Variants in PCDHGB6 observed in about 807,000 individuals in gnomAD.
PCDHGB6 encodes protocadherin gamma-B6.
Under a neutral mutation model 59.1 loss-of-function variants are expected in PCDHGB6, and 51 were observed. That is an observed-to-expected ratio of 0.86 (90% CI 0.69 to 1.09). PCDHGB6 has a LOEUF of 1.09. PCDHGB6 is among the 50% of genes least tolerant of loss of function. The pLI is 0.00. For synonymous variants in PCDHGB6, 466 were observed against 495.1 expected (o/e 0.94, Z 0.78); for missense variants, 1,148 against 1,205.1 (o/e 0.95, Z 0.70).
chr5:141,414,638 A>C lies in PCDHGB6; in HGVS notation c.2418+4018A>C, dbSNP rs539861509. The C allele has an allele frequency of 7.8e-5, 126 of 1,613,988 alleles. 1 individual carries two copies. In the South Asian group the frequency reaches 1.3e-3, roughly 17 times the overall value. ...GCGCTGGACCCGGACAGCAAAGAGA[A>C]TGCCCAGATTATTTACTCCCTGGCT... On this transcript the variant is annotated intron_variant, in intron 1 of 3. Coordinates refer to ENST00000520790, the MANE Select transcript of PCDHGB6 (RefSeq NM_018926.3).
In PCDHGB6 at chr5:141,410,532, A is replaced by G; in HGVS notation, c.2330A>G (p.Glu777Gly). 1 of 1,613,908 alleles carries G rather than the reference A, an allele frequency of 6.2e-7. No homozygotes were observed. The highest frequency in any genetic ancestry group is 8.5e-7 in the Non-Finnish European group (1 of 1,179,892). ...TGCAGTGTGCCCCTACATTCCAATG[A>G]AGACATGGTTTGCAGTGTTTCTCCT... ...LKCSVPLHSN[E>G]DMVCSVSPGA... The change falls in exon 1 of 4, where the codon GAA (glutamate) becomes GGA (glycine). Residue 777 changes from glutamate to glycine, a missense_variant. Physicochemically the swap from Glu to Gly is moderately conservative, Grantham distance 98. Around this residue, in one of 5 missense-constraint regions of PCDHGB6, gnomAD observed 283 missense variants for 318.6 expected, o/e 0.89. Transcript: ENST00000520790.
In PCDHGB6 at chr5:141,431,202, C is replaced by T. The variant is rs2097350864; in HGVS notation, c.2418+20582C>T. The stretch of plus-strand genomic sequence containing the variant: ...ATAAAAATTAGTGAAAATGCAGCCA[C>T]TGAGATGCGGTTCCCTCTACCCCAC... On this transcript the variant is annotated intron_variant, in intron 1 of 3. Coordinates refer to ENST00000520790, the MANE Select transcript of PCDHGB6 (RefSeq NM_018926.3). The surrounding 1 kb of genome is among the most constrained non-coding windows in gnomAD (Gnocchi z 4.8). 6.2e-7 allele frequency: 1 copy of T among 1,614,204 alleles called. No individual in the cohort carries two copies. Among genetic ancestry groups the T allele is most frequent in the Non-Finnish European group, 8.5e-7 (1 of 1,180,052 alleles).
rs1242637725 is a variant in PCDHGB6 at position 141,432,619 on chromosome 5, T to G, written c.2418+21999T>G. 3.1e-6 allele frequency: 5 copies of G among 1,612,618 alleles called. No homozygotes were observed. The highest frequency in any genetic ancestry group is 1.7e-5 in the Admixed American group (1 of 59,934). On this transcript the variant is annotated intron_variant, in intron 1 of 3. Transcript: ENST00000520790. This position sits in a 1 kb window ranked among gnomAD's most constrained non-coding sequence, Gnocchi z 6.0. ...GCGAGCCGGGACTCTTCTCGGTGGG[T>G]CTGCACACGGGCGAGGTGCGCACGG... is the stretch of plus-strand genomic sequence containing the variant.
Position 141,486,814 on chromosome 5 carries a change from C to T in PCDHGB6, c.2419-7993C>T, listed in dbSNP as rs1048351154. On this transcript the variant is annotated intron_variant, in intron 1 of 3. Transcript: ENST00000520790. The surrounding 1 kb of genome is among the most constrained non-coding windows in gnomAD (Gnocchi z 5.0). ...ATCGGGGCAACCCACCCCTTAGCAG[C>T]ACTGTAACAGTTCGTCTATTTGTGC... 1.2e-6 allele frequency: 2 copies of T among 1,614,122 alleles called. No individual in the cohort carries two copies. Among genetic ancestry groups the T allele is most frequent in the Non-Finnish European group, 1.7e-6 (2 of 1,180,052 alleles).
At chr5:141,412,286 G>A (rs150947924) in intron 1 of PCDHGB6, 104 of 152,170 alleles carry the variant, frequency 6.8e-4, no homozygotes, top group African/African-American at 2.3e-3. Flanking sequence ...CAAATTCTAC[G>A]TATTTCTTTT....
chr5:141,428,025 G>C, intron 1 of PCDHGB6: 1 of 1,606,426 alleles, frequency 6.2e-7, no homozygotes, highest in Non-Finnish European at 8.5e-7. Flanking sequence ...ACGCGCCGCA[G>C]AGTCCGGCTA....
In PCDHGB6 at chr5:141,432,661, C is replaced by T; in HGVS notation, c.2418+22041C>T. ...TGCGCACGGCGCGAGCCCTGCTGGACAGAGACGCGCTCAAGCAGAGCCTCG... is the reference window on the plus strand; with the variant it reads ...TGCGCACGGCGCGAGCCCTGCTGGATAGAGACGCGCTCAAGCAGAGCCTCG... On this transcript the variant is annotated intron_variant, in intron 1 of 3. Transcript: ENST00000520790. This position sits in a 1 kb window ranked among gnomAD's most constrained non-coding sequence, Gnocchi z 6.0. 3.1e-6 allele frequency: 5 copies of T among 1,613,886 alleles called. No homozygotes were observed. In the South Asian group the frequency reaches 5.5e-5, roughly 18 times the overall value.
chr5:141,424,556 G>C (rs2096828013), intron 1 of PCDHGB6: 1 of 152,128 alleles, frequency 6.6e-6, no homozygotes, highest in South Asian at 2.1e-4. Context: ...TTGATTCAGT[G>C]CTTCTCAAAA....
intron 1 of PCDHGB6, among the ~76,000 whole-genome samples, chr5:141,488,938 A>T (rs1195859645): frequency 6.6e-6 from 1 of 152,154 alleles, no homozygotes; most frequent in East Asian, 1.9e-4. Context: ...AGGAAACTCC[A>T]TAATTGGTTG....
chr5:141,430,987 C>T (rs1171599563), intron 1 of PCDHGB6: 2 of 1,613,690 alleles, frequency 1.2e-6, no homozygotes, highest in African/African-American at 2.7e-5. Context: ...AGCTTTTCGC[C>T]CTGAATCCGC....
At chr5:141,440,280 A>G (rs1389627767) in intron 1 of PCDHGB6, 1 of 152,220 alleles carries the variant, frequency 6.6e-6, no homozygotes, top group East Asian at 1.9e-4. Context: ...CAGCCTGACC[A>G]ACATAGTGAA....
At chr5:141,465,293 G>A (rs1407146382) in intron 1 of PCDHGB6, among the ~76,000 whole-genome samples, 2 of 152,258 alleles carry the variant, frequency 1.3e-5, no homozygotes, top group South Asian at 2.1e-4. Flanking sequence ...AAAGAACTGA[G>A]AGTCCTGGGA....
At position 141,432,957 on chromosome 5, in the gene PCDHGB6, C is replaced by T. The variant is rs2097553676; in HGVS notation, c.2418+22337C>T. 1 of 1,614,190 alleles carries T rather than the reference C, an allele frequency of 6.2e-7. No individual in the cohort carries two copies. The highest frequency in any genetic ancestry group is 8.5e-7 in the Non-Finnish European group (1 of 1,180,030). ...CTGCAGGCTTCAGGAGGCGGCTTGA[C>T]AGGAGCGCCGGCGTCGCACTTTGTG... On this transcript the variant is annotated intron_variant, in intron 1 of 3. Coordinates refer to ENST00000520790, the MANE Select transcript of PCDHGB6 (RefSeq NM_018926.3). This position sits in a 1 kb window ranked among gnomAD's most constrained non-coding sequence, Gnocchi z 6.0.
Position 141,491,383 on chromosome 5 carries a change from A to C in PCDHGB6, c.2419-3424A>C. The C allele has an allele frequency of 6.2e-7, 1 of 1,614,036 alleles. No individual in the cohort carries two copies. The highest frequency in any genetic ancestry group is 8.5e-7 in the Non-Finnish European group (1 of 1,179,962). ...AGTCACCTTCACCTTTCTGTCAGCG[A>C]AGTGCCTTCAGGGAAACGCAGACGG... On this transcript the variant is annotated intron_variant, in intron 1 of 3. Transcript: ENST00000520790. This position sits in a 1 kb window ranked among gnomAD's most constrained non-coding sequence, Gnocchi z 6.9.
chr5:141,423,758 G>C lies in PCDHGB6; in HGVS notation c.2418+13138G>C, dbSNP rs1192987646. 54 of 366,760 alleles carry C rather than the reference G, an allele frequency of 1.5e-4. 3 individuals carry two copies. The highest frequency in any genetic ancestry group is 1.4e-4 in the Non-Finnish European group (36 of 259,732). 22.7% of individuals were successfully genotyped at this position (366,760 alleles called of 1,614,324 possible). A position where few individuals can be genotyped will look rare whatever the true frequency, so the allele number is the denominator to read the frequency against. Reference sequence around the variant, plus strand: ...CTGTTATGAAAACTGTTTGGGGGGGGGGTGGGGCGGCATATATTTAGTTCA... The same window carrying C: ...CTGTTATGAAAACTGTTTGGGGGGGCGGTGGGGCGGCATATATTTAGTTCA... On this transcript the variant is annotated intron_variant, in intron 1 of 3. Transcript: ENST00000520790.
intron 1 of PCDHGB6, among the ~76,000 whole-genome samples, chr5:141,473,965 A>C (rs925515548): frequency 1.1e-4 from 16 of 152,206 alleles, no homozygotes; most frequent in African/African-American, 3.9e-4. Flanking sequence ...TCTACTTAGA[A>C]GTCTGAGGCG....
intron 1 of PCDHGB6, chr5:141,426,750 G>A (rs1287163824): frequency 2.2e-6 from 1 of 456,160 alleles, no homozygotes; most frequent in Non-Finnish European, 4.4e-6. Context: ...CCTGGAATCT[G>A]CTATAGATGC....
Position 141,485,331 on chromosome 5 carries a change from T to C in PCDHGB6, c.2419-9476T>C, listed in dbSNP as rs1203054851. On this transcript the variant is annotated intron_variant, in intron 1 of 3. Transcript: ENST00000520790. This position sits in a 1 kb window ranked among gnomAD's most constrained non-coding sequence, Gnocchi z 5.7. Reference sequence around the variant, plus strand: ...GTAGGGAATGTCGCTCAAGATTTCCTGCTGGATACGGACAGTCTGTCAGCT... The same window carrying C: ...GTAGGGAATGTCGCTCAAGATTTCCCGCTGGATACGGACAGTCTGTCAGCT... 6.2e-7 allele frequency: 1 copy of C among 1,614,048 alleles called. No individual in the cohort carries two copies. Among genetic ancestry groups the C allele is most frequent in the African/African-American group, 1.3e-5 (1 of 74,902 alleles).
chr5:141,471,637 T>G (rs1284100810), intron 1 of PCDHGB6: 1 of 152,198 alleles, frequency 6.6e-6, no homozygotes, highest in Non-Finnish European at 1.5e-5. Context: ...TATGGATTAG[T>G]AATATACTGG....
Sources: allele counts gnomAD v4.1 joint callset (sites outside exome capture counted in the v4.1 genomes callset), GRCh38; gene constraint gnomAD v4.1.1; regional missense constraint gnomAD v4.1.1; non-coding constraint Gnocchi (gnomAD v3.1); transcripts MANE v1.5; gene names NCBI Gene and HGNC (gene_info 2026-07-23, HGNC 2026-07-21).